The following KCNA2 variants were observed in gnomAD, a reference collection of about 807,000 sequenced individuals.
KCNA2 encodes potassium voltage-gated channel subfamily A member 2.
KCNA2 carries 11 observed loss-of-function variants against 33.4 expected under a neutral mutation model. That is an observed-to-expected ratio of 0.33 (90% CI 0.21 to 0.55). The LOEUF (loss-of-function observed/expected upper bound fraction) is 0.55, where lower values mean the gene tolerates loss of function less well. KCNA2 is among the 20% of genes least tolerant of loss of function. The pLI, the probability that KCNA2 is intolerant of heterozygous loss-of-function variation, is 0.93. For synonymous variants in KCNA2, 222 were observed against 231.3 expected (o/e 0.96, Z 0.37); for missense variants, 291 against 621.6 (o/e 0.47, Z 5.66).
Position 110,597,729 on chromosome 1 carries a change from A to G in KCNA2, c.*5554T>C. The stretch of plus-strand genomic sequence containing the variant: ...TTATCTGATAATCCAGGTACTATCT[A>G]TCACTTTTCAGTCCTGAGAGCAAGA... On this transcript the variant is annotated 3_prime_UTR_variant, in exon 3 of 3. Coordinates refer to ENST00000316361, the MANE Select transcript of KCNA2 (RefSeq NM_004974.4). 6 of 985,392 alleles carry G rather than the reference A, an allele frequency of 6.1e-6. No homozygotes were observed. Among genetic ancestry groups the G allele is most frequent in the Non-Finnish European group, 7.2e-6 (6 of 829,880 alleles). The allele number at this position is 985,392 out of a possible 1,614,324, so 61.0% of individuals were successfully genotyped here.
At chr1:110,607,468 G>C (rs1473358527), upstream of KCNA2, 1 of 152,632 alleles carries the variant, frequency 6.6e-6, no homozygotes, top group East Asian at 1.9e-4. Flanking sequence ...AAAGGGGCCG[G>C]CGGGGGCCGG....
In KCNA2 at chr1:110,600,092, G is replaced by A. The variant is rs1455694292; in HGVS notation, c.*3191C>T. On this transcript the variant is annotated 3_prime_UTR_variant, in exon 3 of 3. Coordinates refer to ENST00000316361, the MANE Select transcript of KCNA2 (RefSeq NM_004974.4). ...AGAGATTCCTTGAAAGATCCTGGGG[G>A]ATATAGACACAGGCCAGGCAAAGGT... The A allele has an allele frequency of 3.0e-6, 3 of 984,874 alleles. No homozygotes were observed. The highest frequency in any genetic ancestry group is 3.6e-6 in the Non-Finnish European group (3 of 829,888). 61.0% of individuals were successfully genotyped at this position (984,874 alleles called of 1,614,324 possible). A position where few individuals can be genotyped will look rare whatever the true frequency, so the allele number is the denominator to read the frequency against.
intron 1 of KCNA2, among the ~76,000 whole-genome samples, chr1:110,617,005 C>T (rs896507606): frequency 2.6e-5 from 4 of 152,208 alleles, no homozygotes; most frequent in Non-Finnish European, 2.9e-5. Flanking sequence ...GATGTCTTTA[C>T]GGAGGAGCAG....
upstream of KCNA2, among the ~76,000 whole-genome samples, chr1:110,609,546 C>T (rs1349916514): frequency 1.3e-5 from 2 of 152,092 alleles, no homozygotes; most frequent in Non-Finnish European, 2.9e-5. Context: ...TGCCCTTAGC[C>T]CCCACACCAC....
chr1:110,616,737 G>T (rs1557738190), intron 1 of KCNA2, among the ~76,000 whole-genome samples: 1 of 152,218 alleles, frequency 6.6e-6, no homozygotes, highest in Non-Finnish European at 1.5e-5. Flanking sequence ...GGTGCAAAAG[G>T]CAGGAGCTGA....
chr1:110,612,195 A>C (rs1443290735), intron 1 of KCNA2, among the ~76,000 whole-genome samples: 1 of 152,204 alleles, frequency 6.6e-6, no homozygotes, highest in Non-Finnish European at 1.5e-5. Context: ...GTGGAAGTAC[A>C]GTCACGCGTC....
In KCNA2 at chr1:110,602,984, T is replaced by C; in HGVS notation, c.*299A>G. ...TTTCATTAGGAAGGAATGATGGCAC[T>C]GATATGGTGCACTGTGTATGGGATA... On this transcript the variant is annotated 3_prime_UTR_variant, in exon 3 of 3. Coordinates refer to ENST00000316361, the MANE Select transcript of KCNA2 (RefSeq NM_004974.4). The C allele has an allele frequency of 8.6e-7, 1 of 1,160,254 alleles. No homozygotes were observed. The allele number at this position is 1,160,254 out of a possible 1,614,324, so 71.9% of individuals were successfully genotyped here.
chr1:110,604,499 C>G lies in KCNA2; in HGVS notation c.284G>C (p.Gly95Ala). 2 of 1,614,214 alleles carry G rather than the reference C, an allele frequency of 1.2e-6. No homozygotes were observed. The highest frequency in any genetic ancestry group is 3.3e-4 in the Middle Eastern group (2 of 6,062). ...FDAILYYYQS[G>A]GRLRRPVNVP... is the part of the protein sequence containing the mutation. ...ATTCACAGGTCGCCTCAATCGGCCC[C>G]CTGACTGGTAGTAGTACAAAATGGC... The change falls in exon 3 of 3, where the codon GGG becomes GCG. Residue 95 changes from glycine (G) to alanine (A), a missense_variant. Gly to Ala is a moderately conservative substitution (Grantham distance 60). This residue lies in a region of KCNA2 where 163 missense variants were observed against 273.5 expected (regional missense o/e 0.60). Transcript: ENST00000316361. The surrounding 1 kb of genome is among the most constrained non-coding windows in gnomAD (Gnocchi z 7.6).
Position 110,600,756 on chromosome 1 carries a change from C to G in KCNA2, c.*2527G>C. 4.1e-6 allele frequency: 4 copies of G among 985,454 alleles called. No individual in the cohort carries two copies. Among genetic ancestry groups the G allele is most frequent in the Non-Finnish European group, 4.8e-6 (4 of 829,940 alleles). 61.0% of individuals were successfully genotyped at this position (985,454 alleles called of 1,614,324 possible). On this transcript the variant is annotated 3_prime_UTR_variant, in exon 3 of 3. Transcript: ENST00000316361. ...CCATGCCTTGGAAATTCAGCACCAC[C>G]TCCCATGAAGGAGAGGAAGAGAAGC...
Position 110,601,793 on chromosome 1 carries a change from T to C in KCNA2, c.*1490A>G. 2 of 995,428 alleles carry C rather than the reference T, an allele frequency of 2.0e-6. No homozygotes were observed. Among genetic ancestry groups the C allele is most frequent in the Non-Finnish European group, 2.5e-6 (2 of 801,606 alleles). 61.7% of individuals were successfully genotyped at this position (995,428 alleles called of 1,614,324 possible). Reference sequence around the variant, plus strand: ...CAGAAAATGAATATATATATATATATATGTGTGTGTGTGTGTGTGTGTGTG... The same window carrying C: ...CAGAAAATGAATATATATATATATACATGTGTGTGTGTGTGTGTGTGTGTG... On this transcript the variant is annotated 3_prime_UTR_variant, in exon 3 of 3. Coordinates refer to ENST00000316361, the MANE Select transcript of KCNA2 (RefSeq NM_004974.4).
chr1:110,598,736 G>C lies in KCNA2; in HGVS notation c.*4547C>G, dbSNP rs1157629611. The C allele has an allele frequency of 2.0e-6, 2 of 985,260 alleles. No homozygotes were observed. Among genetic ancestry groups the C allele is most frequent in the African/African-American group, 3.5e-5 (2 of 57,200 alleles). The allele number at this position is 985,260 out of a possible 1,614,324, so 61.0% of individuals were successfully genotyped here. On this transcript the variant is annotated 3_prime_UTR_variant, in exon 3 of 3. Coordinates refer to ENST00000316361, the MANE Select transcript of KCNA2 (RefSeq NM_004974.4). ...TGCCAACACTAGCCTCAGAAACACA[G>C]GTGAGAGGGACAGAGGCAAGCAGAG...
intron 2 of KCNA2, 76 bp from the exon 3 acceptor site, chr1:110,605,021 C>T: frequency 1.9e-6 from 1 of 530,086 alleles, no homozygotes; most frequent in Non-Finnish European, 3.3e-6. Context: ...CTTTTTGTCT[C>T]CCATCTCTCA....
Position 110,598,371 on chromosome 1 carries a change from C to T in KCNA2, c.*4912G>A, listed in dbSNP as rs554299483. 79 of 985,260 alleles carry T rather than the reference C, an allele frequency of 8.0e-5. No individual in the cohort carries two copies. In the African/African-American group the frequency reaches 1.4e-3, roughly 17 times the overall value. 61.0% of individuals were successfully genotyped at this position (985,260 alleles called of 1,614,324 possible). ...TGGTGCCACCTTCATATGCAATTTG[C>T]ACACTGTTCTATAGTTTCCTTAGGG... On this transcript the variant is annotated 3_prime_UTR_variant, in exon 3 of 3. Transcript: ENST00000316361.
rs1017727553 is a variant in KCNA2, at chr1:110,596,303, T to C, written c.*6980A>G. 5.8e-5 allele frequency: 48 copies of C among 833,504 alleles called. No individual in the cohort carries two copies. Among genetic ancestry groups the C allele is most frequent in the Admixed American group, 3.1e-4 (5 of 15,960 alleles). 51.6% of individuals were successfully genotyped at this position (833,504 alleles called of 1,614,324 possible). On this transcript the variant is annotated 3_prime_UTR_variant, in exon 3 of 3. Transcript: ENST00000316361. ...GGAGATTGGTCAATGTATAATTCTA[T>C]AATTTAAAAATAGTATACATATATA... is the stretch of plus-strand genomic sequence containing the variant.
Position 110,596,229 on chromosome 1 carries a change from G to T in KCNA2, c.*7054C>A. 1 of 984,892 alleles carries T rather than the reference G, an allele frequency of 1.0e-6. No individual in the cohort carries two copies. 61.0% of individuals were successfully genotyped at this position (984,892 alleles called of 1,614,324 possible). ...GGTCATTCAAAAAATGCACATAAATGCAGTTTATTCCTTGGATTGCCAAAT... is the reference window on the plus strand; with the variant it reads ...GGTCATTCAAAAAATGCACATAAATTCAGTTTATTCCTTGGATTGCCAAAT... On this transcript the variant is annotated 3_prime_UTR_variant, in exon 3 of 3. Transcript: ENST00000316361.
intron 1 of KCNA2, among the ~76,000 whole-genome samples, chr1:110,614,070 TC>T (rs758852086): frequency 6.6e-5 from 10 of 152,216 alleles, no homozygotes; most frequent in Non-Finnish European, 8.8e-5. Flanking sequence ...CACTCAGGCG[TC>T]CCACCTGTGG....
Position 110,604,276 on chromosome 1 carries a change from A to G in KCNA2, c.507T>C (p.Ser169=). 4 of 1,614,180 alleles carry G rather than the reference A, an allele frequency of 2.5e-6. No individual in the cohort carries two copies. The highest frequency in any genetic ancestry group is 2.2e-5 in the East Asian group (1 of 44,890). Residue 169 remains serine, a synonymous_variant, in exon 3 of 3, where the codon TCT becomes TCC. Transcript: ENST00000316361. This position sits in a 1 kb window ranked among gnomAD's most constrained non-coding sequence, Gnocchi z 7.6. Reference sequence around the variant, plus strand: ...CAATTGAGATCAGAATCACCATGACAGACACAATAGCTATAATCCTGGCAG... The same window carrying G: ...CAATTGAGATCAGAATCACCATGACGGACACAATAGCTATAATCCTGGCAG... ...SGPARIIAIV[S]VMVILISIVS...
chr1:110,596,270 G>T lies in KCNA2; in HGVS notation c.*7013C>A. 2 of 977,662 alleles carry T rather than the reference G, an allele frequency of 2.0e-6. No individual in the cohort carries two copies. The highest frequency in any genetic ancestry group is 4.7e-5 in the South Asian group (1 of 21,108). The allele number at this position is 977,662 out of a possible 1,614,324, so 60.6% of individuals were successfully genotyped here. On this transcript the variant is annotated 3_prime_UTR_variant, in exon 3 of 3. Coordinates refer to ENST00000316361, the MANE Select transcript of KCNA2 (RefSeq NM_004974.4). ...ATTGCCAAATTTATTCCACATAAGT[G>T]AAACTAAGGAGATTGGTCAATGTAT...
chr1:110,616,187 C>T (rs1393281351), intron 1 of KCNA2, among the ~76,000 whole-genome samples: 1 of 152,212 alleles, frequency 6.6e-6, no homozygotes, highest in Non-Finnish European at 1.5e-5. Context: ...ATCAGGGACT[C>T]TGTAACCTGC....
Sources: allele counts gnomAD v4.1 joint callset (sites outside exome capture counted in the v4.1 genomes callset), GRCh38; gene constraint gnomAD v4.1.1; regional missense constraint gnomAD v4.1.1; non-coding constraint Gnocchi (gnomAD v3.1); transcripts MANE v1.5; gene names NCBI Gene and HGNC (gene_info 2026-07-23, HGNC 2026-07-21).